Variants in FGF13 observed in about 807,000 individuals in gnomAD.
FGF13 encodes fibroblast growth factor 13, also known as fibroblast growth factor homologous factor 2.
In FGF13, 2 loss-of-function variants were observed where a neutral mutation model predicts 19.5. The ratio of observed to expected loss-of-function variants is 0.10; its 90% CI spans 0.04 to 0.32. FGF13 has a LOEUF of 0.32. Among genes scored for constraint, FGF13 ranks in the 10% least tolerant of loss-of-function variants. The pLI, the probability that FGF13 is intolerant of heterozygous loss-of-function variation, is 1.00. For synonymous variants in FGF13, 72 were observed against 76.9 expected, an observed-to-expected ratio of 0.94 and a Z score of 0.33; for missense variants, 113 against 192.7, an observed-to-expected ratio of 0.59 and a Z score of 2.45.
intron 1 of FGF13, among the ~76,000 whole-genome samples, chrX:138,710,437 T>C (rs756534922): frequency 1.3e-4 from 15 of 111,445 alleles, no homozygotes; most frequent in East Asian, 2.9e-4. Context: ...CAGGCTCTCC[T>C]GGGGACGGGA....
At chrX:138,771,118 G>A (rs1377822195) in intron 3 of FGF13, among the ~76,000 whole-genome samples, 1 of 111,566 alleles carries the variant, frequency 9.0e-6, no homozygotes, top group Admixed American at 9.5e-5. Flanking sequence ...TCTAAAATGA[G>A]TAAACTAAAG....
intron 1 of FGF13, among the ~76,000 whole-genome samples, chrX:139,200,598 C>G (rs1455957262): frequency 8.0e-5 from 9 of 112,169 alleles, no homozygotes; most frequent in African/African-American, 2.9e-4. Flanking sequence ...AGAGAACCCA[C>G]AGCCCACAGA....
intron 1 of FGF13, among the ~76,000 whole-genome samples, chrX:138,989,507 G>A (rs900801383): frequency 3.6e-5 from 4 of 111,465 alleles, no homozygotes; most frequent in Non-Finnish European, 7.5e-5. Context: ...AAATTTCTTG[G>A]TATTGTCATA....
chrX:138,922,760 C>A (rs1223664897), intron 1 of FGF13, among the ~76,000 whole-genome samples: 1 of 112,036 alleles, frequency 8.9e-6, no homozygotes, highest in Non-Finnish European at 1.9e-5. Flanking sequence ...TTCCTCATTT[C>A]CACTGTCACT....
At chrX:138,984,511 GGA>G (rs1569436016) in intron 1 of FGF13, among the ~76,000 whole-genome samples, 15 of 27,108 alleles carry the variant, frequency 5.5e-4, no homozygotes, top group Non-Finnish European at 8.3e-4. Context: ...GAGAAGAAGA[GGA>G]AGAAGAAGAG....
At chrX:139,084,616 T>G (rs1428545769) in intron 1 of FGF13, among the ~76,000 whole-genome samples, 1 of 109,613 alleles carries the variant, frequency 9.1e-6, no homozygotes, top group Non-Finnish European at 1.9e-5. Context: ...AGATTCCCAG[T>G]GCCAAAATTA....
chrX:139,152,753 C>T (rs772073377), intron 1 of FGF13, among the ~76,000 whole-genome samples: 2 of 111,015 alleles, frequency 1.8e-5, no homozygotes, highest in South Asian at 3.9e-4. Context: ...AACTGAATTT[C>T]GTGCTGTTTT....
Position 138,623,659 on chromosome X carries a change from C to G in FGF13, c.*9191G>C, listed in dbSNP as rs2089032153. ...AGGCATGGTGGTAGGCGCCTATAAT[C>G]CCAGCTACTCGGGAGGCTGAGGCAA... On this transcript the variant is annotated 3_prime_UTR_variant, in exon 5 of 5. Transcript: ENST00000315930. The G allele has an allele frequency of 9.1e-6, 1 of 110,383 alleles. No individual in the cohort carries two copies. Among genetic ancestry groups the G allele is most frequent in the African/African-American group, 3.3e-5 (1 of 30,268 alleles). 9.1% of individuals were successfully genotyped at this position (110,383 alleles called of 1,213,427 possible).
At chrX:138,833,796 G>C (rs1179037919) in intron 3 of FGF13, among the ~76,000 whole-genome samples, 3 of 111,819 alleles carry the variant, frequency 2.7e-5, no homozygotes, top group African/African-American at 9.8e-5. Flanking sequence ...CAGTGGCTTT[G>C]TTATAGATGG....
At chrX:138,808,376 A>G (rs2090890313) in intron 3 of FGF13, among the ~76,000 whole-genome samples, 1 of 112,063 alleles carries the variant, frequency 8.9e-6, no homozygotes, top group African/African-American at 3.3e-5. Context: ...AGAAATAAAG[A>G]TGTTCTTTGA....
rs1285842289 is a variant in FGF13, at chrX:138,711,208, G to C, written c.-205C>G. The C allele has an allele frequency of 1.9e-6, 2 of 1,059,560 alleles. No homozygotes were observed. Among genetic ancestry groups the C allele is most frequent in the East Asian group, 3.5e-5 (1 of 28,709 alleles). The allele number at this position is 1,059,560 out of a possible 1,213,427, so 87.3% of individuals were successfully genotyped here. ...TCCGAGCTCCTCCGGCGGCGGTCCG[G>C]CTCCCGCGCGGGCTGCTGGCTGCCT... On this transcript the variant is annotated 5_prime_UTR_variant, in exon 1 of 5. Transcript: ENST00000315930.
intron 1 of FGF13, among the ~76,000 whole-genome samples, chrX:139,050,437 T>G (rs2092300402): frequency 8.9e-6 from 1 of 112,102 alleles, no homozygotes; most frequent in Non-Finnish European, 1.9e-5. Flanking sequence ...TGCTTTGGAT[T>G]GCATGAACAC....
chrX:138,858,270 C>T (rs1406453366), intron 2 of FGF13, among the ~76,000 whole-genome samples: 2 of 111,734 alleles, frequency 1.8e-5, no homozygotes, highest in African/African-American at 6.5e-5. Context: ...TACGAAACAA[C>T]GCTTGGTCAA....
In FGF13 at chrX:138,997,631, G is replaced by GA. The variant is rs767721163; in HGVS notation, c.-112-132982dup. On this transcript the variant is annotated intron_variant, in intron 1 of 2. Transcript: ENST00000421460. Reference sequence around the variant, plus strand: ...AATAAAGCGAGAAGACAAGACTAGAGAAAAAAGAGTAAAAAGAAATAAACA... The same window carrying GA: ...AATAAAGCGAGAAGACAAGACTAGAGAAAAAAAGAGTAAAAAGAAATAAACA... Among the ~76,000 whole-genome samples, 432 of 111,381 alleles carry GA rather than the reference G, an allele frequency of 3.9e-3. 1 individual carries two copies. The highest frequency in any genetic ancestry group is 0.013 in the African/African-American group (406 of 30,628).
intron 1 of FGF13, among the ~76,000 whole-genome samples, chrX:138,956,684 G>A (rs1322736051): frequency 9.0e-6 from 1 of 111,353 alleles, no homozygotes; most frequent in African/African-American, 3.3e-5. Context: ...ACCACTCTGA[G>A]CGACGTAGGG....
At chrX:138,866,885 T>C (rs2091327423) in intron 1 of FGF13, among the ~76,000 whole-genome samples, 2 of 111,898 alleles carry the variant, frequency 1.8e-5, no homozygotes, top group Non-Finnish European at 1.9e-5. Flanking sequence ...GTCAATTCTC[T>C]TCTCTTCTGA....
At chrX:138,643,031 T>C (rs1363562133) in intron 3 of FGF13, among the ~76,000 whole-genome samples, 1 of 112,285 alleles carries the variant, frequency 8.9e-6, no homozygotes, top group Non-Finnish European at 1.9e-5. Flanking sequence ...ATATTTTAAT[T>C]TACCTTATGT....
chrX:138,914,538 A>G (rs889600595), intron 1 of FGF13, among the ~76,000 whole-genome samples: 6 of 110,240 alleles, frequency 5.4e-5, no homozygotes, highest in Non-Finnish European at 1.1e-4. Context: ...CTTTAGATTC[A>G]ATCTGCCTGA....
chrX:139,032,574 A>G (rs2092231534), intron 1 of FGF13, among the ~76,000 whole-genome samples: 1 of 111,285 alleles, frequency 9.0e-6, no homozygotes, highest in Admixed American at 9.6e-5. Flanking sequence ...AGACATTCTG[A>G]GAAGGAAAGA....
Sources: allele counts gnomAD v4.1 joint callset (sites outside exome capture counted in the v4.1 genomes callset), GRCh38; gene constraint gnomAD v4.1.1; transcripts MANE v1.5; gene names NCBI Gene and HGNC (gene_info 2026-07-23, HGNC 2026-07-21).